The following VAV2 variants were observed in gnomAD, a reference collection of about 807,000 sequenced individuals.
VAV2 encodes the protein guanine nucleotide exchange factor VAV2.
Under a neutral mutation model 132.5 loss-of-function variants are expected in VAV2, and 67 were observed. That is an observed-to-expected ratio of 0.51 (90% CI 0.42 to 0.62). VAV2 has a LOEUF of 0.62. Among genes scored for constraint, VAV2 ranks in the 20% least tolerant of loss-of-function variants. VAV2 has a pLI of 0.00. For missense variants in VAV2, 938 were observed against 1,153.6 expected, an observed-to-expected ratio of 0.81 and a Z score of 2.71; for synonymous variants, 492 against 443.5, an observed-to-expected ratio of 1.11 and a Z score of -1.37.
rs564005976 is a variant in VAV2 at position 133,910,685 on chromosome 9, G to A, written c.321+28418C>T. 7.9e-5 allele frequency among the ~76,000 whole-genome samples: 12 copies of A among 151,804 alleles called. No individual in the cohort carries two copies. In the South Asian group the frequency reaches 1.0e-3, roughly 13 times the overall value. ...AAAAATTACAAAAACTTAGCCGAGC[G>A]TGGTGGCGGGCGCCTGTAGTCCCAG... On this transcript the variant is annotated intron_variant, in intron 2 of 29. Coordinates refer to ENST00000371850, the MANE Select transcript of VAV2 (RefSeq NM_001134398.2).
chr9:133,929,787 C>T (rs2132102981), intron 2 of VAV2, among the ~76,000 whole-genome samples: 1 of 152,210 alleles, frequency 6.6e-6, no homozygotes, highest in Non-Finnish European at 1.5e-5. Context: ...CCCCAGTGGC[C>T]TGTCCCCACT....
Position 133,869,109 on chromosome 9 carries a change from G to A in VAV2, c.322-7677C>T, listed in dbSNP as rs138829386. ...CCTCCCGGGCTCAAGCGATTCTCCC[G>A]CCTCAGCCGCCTGAGTAGCTGGGGA... On this transcript the variant is annotated intron_variant, in intron 2 of 29. Coordinates refer to ENST00000371850, the MANE Select transcript of VAV2 (RefSeq NM_001134398.2). Among the ~76,000 whole-genome samples, 28 of 151,724 alleles carry A rather than the reference G, an allele frequency of 1.8e-4. No individual in the cohort carries two copies. In the East Asian group the frequency reaches 5.0e-3, roughly 27 times the overall value.
intron 13 of VAV2, among the ~76,000 whole-genome samples, chr9:133,791,262 C>T (rs1834447235): frequency 6.6e-6 from 1 of 152,152 alleles, no homozygotes; most frequent in Non-Finnish European, 1.5e-5. Context: ...CAGGGCCAGA[C>T]TCTGGGGAGC....
intron 1 of VAV2, among the ~76,000 whole-genome samples, chr9:133,973,426 G>A (rs372966491): frequency 1.3e-5 from 2 of 152,184 alleles, no homozygotes; most frequent in Middle Eastern, 3.2e-3. Flanking sequence ...CAGGACTGGA[G>A]AGTTATCCTG....
intron 3 of VAV2, among the ~76,000 whole-genome samples, chr9:133,835,319 C>T (rs1044219495): frequency 1.3e-5 from 2 of 151,276 alleles, no homozygotes; most frequent in Non-Finnish European, 2.9e-5. Flanking sequence ...ACAGGCCTCC[C>T]TGCATAAGGC....
intron 1 of VAV2, among the ~76,000 whole-genome samples, chr9:133,944,886 G>A (rs988929215): frequency 3.9e-5 from 6 of 152,198 alleles, no homozygotes; most frequent in Non-Finnish European, 8.8e-5. Context: ...GCTCGGGCAA[G>A]TCTCCTCATG....
At chr9:133,819,363 G>A (rs528245540) in intron 4 of VAV2, among the ~76,000 whole-genome samples, 6 of 151,966 alleles carry the variant, frequency 3.9e-5, no homozygotes, top group African/African-American at 1.4e-4. Context: ...GCAGGAGAAT[G>A]GCGTGAACCC....
At chr9:133,846,851 C>T (rs954549636) in intron 3 of VAV2, among the ~76,000 whole-genome samples, 1 of 152,238 alleles carries the variant, frequency 6.6e-6, no homozygotes, top group African/African-American at 2.4e-5. Flanking sequence ...ACTTGTCCGC[C>T]CCAGTGATCG....
chr9:133,935,488 G>A lies in VAV2; in HGVS notation c.321+3615C>T, dbSNP rs1170681641. 1.3e-5 allele frequency among the ~76,000 whole-genome samples: 2 copies of A among 152,204 alleles called. No homozygotes were observed. The highest frequency in any genetic ancestry group is 2.9e-5 in the Non-Finnish European group (2 of 68,034). The stretch of plus-strand genomic sequence containing the variant: ...TGACCCTTCCTCCCCTCTGTCCACG[G>A]CAGGGACTGCAACAAATACGCCCCG... On this transcript the variant is annotated intron_variant, in intron 2 of 29. Coordinates refer to ENST00000371850, the MANE Select transcript of VAV2 (RefSeq NM_001134398.2). This position sits in a 1 kb window ranked among gnomAD's most constrained non-coding sequence, Gnocchi z 5.2.
intron 2 of VAV2, among the ~76,000 whole-genome samples, chr9:133,866,444 G>A (rs530283327): frequency 2.6e-5 from 4 of 152,138 alleles, no homozygotes; most frequent in Admixed American, 6.5e-5. Context: ...GCAGCCCATC[G>A]GTGGGAGTGA....
intron 15 of VAV2, 124 bp from the exon 16 acceptor site, chr9:133,787,384 C>T (rs1169585789): frequency 1.7e-6 from 2 of 1,157,682 alleles, no homozygotes; most frequent in Middle Eastern, 2.8e-4. Flanking sequence ...CCCCAGTGCC[C>T]AGGCTGGGGG....
At chr9:133,862,086 C>T (rs1467963626) in intron 2 of VAV2, among the ~76,000 whole-genome samples, 1 of 152,264 alleles carries the variant, frequency 6.6e-6, no homozygotes, top group Non-Finnish European at 1.5e-5. Context: ...GGCCGGCAGA[C>T]TGGTCAAGAG....
chr9:133,925,637 G>C (rs1225717446), intron 2 of VAV2, among the ~76,000 whole-genome samples: 6 of 152,112 alleles, frequency 3.9e-5, no homozygotes, highest in Non-Finnish European at 8.8e-5. Context: ...TGCTGCTGGG[G>C]ATCTGGGAAG....
chr9:133,768,619 TCACACAGCTG>T lies in VAV2; in HGVS notation c.2435-33_2435-24del. The T allele has an allele frequency of 1.2e-6, 2 of 1,609,806 alleles. No homozygotes were observed. The highest frequency in any genetic ancestry group is 1.7e-6 in the Non-Finnish European group (2 of 1,178,124). ...ACACTGTTGAGGGAGATGGGCAGCA[TCACACAGCTG>T]CAGGAGGAGCCCAACCAGTGATCCA... is the stretch of plus-strand genomic sequence containing the variant. On this transcript the variant is annotated intron_variant, in intron 28 of 29. Coordinates refer to ENST00000371850, the MANE Select transcript of VAV2 (RefSeq NM_001134398.2). The surrounding 1 kb of genome is among the most constrained non-coding windows in gnomAD (Gnocchi z 5.3).
intron 13 of VAV2, 86 bp from the exon 14 acceptor site, chr9:133,789,429 C>T: frequency 7.6e-7 from 1 of 1,316,512 alleles, no homozygotes; most frequent in Non-Finnish European, 1.1e-6. Context: ...TGTCGTGCAC[C>T]CAAGGGAACT....
chr9:133,864,884 G>A (rs1160253067), intron 2 of VAV2, among the ~76,000 whole-genome samples: 3 of 152,190 alleles, frequency 2.0e-5, no homozygotes, highest in East Asian at 1.9e-4. Flanking sequence ...AAGGGCATGC[G>A]GTCTGTGAGC....
chr9:133,987,470 G>A (rs976155599), intron 1 of VAV2, among the ~76,000 whole-genome samples: 3 of 152,248 alleles, frequency 2.0e-5, no homozygotes, highest in African/African-American at 7.2e-5. Context: ...GCTCACGATG[G>A]CACACATCAA....
chr9:133,964,203 C>T (rs1483318152), intron 1 of VAV2, among the ~76,000 whole-genome samples: 2 of 150,534 alleles, frequency 1.3e-5, no homozygotes, highest in African/African-American at 4.9e-5. Flanking sequence ...ACAAAACATA[C>T]AAAAATTGGC....
intron 15 of VAV2, 25 bp from the exon 16 acceptor site, chr9:133,787,285 A>G: frequency 1.3e-6 from 2 of 1,575,156 alleles, no homozygotes; most frequent in South Asian, 2.3e-5. Flanking sequence ...GAGGAGAGGA[A>G]GGGGAAGACG....
Sources: allele counts gnomAD v4.1 joint callset (sites outside exome capture counted in the v4.1 genomes callset), GRCh38; gene constraint gnomAD v4.1.1; non-coding constraint Gnocchi (gnomAD v3.1); transcripts MANE v1.5; gene names NCBI Gene and HGNC (gene_info 2026-07-23, HGNC 2026-07-21).